The following PLSCR1 variants were observed in gnomAD, a reference collection of about 807,000 sequenced individuals.
PLSCR1 encodes the protein PL scramblase 1.
A neutral mutation model predicts 37.8 loss-of-function variants in PLSCR1; 17 were observed. That is an observed-to-expected ratio of 0.45 (90% CI 0.31 to 0.68). The LOEUF is 0.68. Among genes scored for constraint, PLSCR1 ranks in the 30% least tolerant of loss-of-function variants. The probability of loss-of-function intolerance (pLI) is 0.06; values close to 1 mark genes in which losing one functional copy is unlikely to be tolerated. For missense variants in PLSCR1, 347 were observed against 380.9 expected, an observed-to-expected ratio of 0.91 and a Z score of 0.74; for synonymous variants, 116 against 125.9, an observed-to-expected ratio of 0.92 and a Z score of 0.53.
chr3:146,532,676 A>T (rs60357664), intron 3 of PLSCR1, among the ~76,000 whole-genome samples: 8,164 of 152,248 alleles, frequency 0.054, 733 homozygotes, highest in African/African-American at 0.19. Context: ...TCCAAACCAC[A>T]TTCCCTTTGG....
At chr3:146,531,120 G>A (rs1028862498) in intron 3 of PLSCR1, among the ~76,000 whole-genome samples, 5 of 152,206 alleles carry the variant, frequency 3.3e-5, no homozygotes, top group African/African-American at 1.2e-4. Context: ...GGAAGGAGCA[G>A]GAACAGCTGC....
intron 1 of PLSCR1, among the ~76,000 whole-genome samples, chr3:146,539,540 C>A (rs1316155319): frequency 6.6e-6 from 1 of 152,158 alleles, no homozygotes; most frequent in Non-Finnish European, 1.5e-5. Context: ...GAATAACAAC[C>A]ATGAATACAC....
chr3:146,529,427 A>G (rs954477913), intron 3 of PLSCR1, among the ~76,000 whole-genome samples: 1 of 152,288 alleles, frequency 6.6e-6, no homozygotes, highest in East Asian at 1.9e-4. Flanking sequence ...TAAAAGAGCC[A>G]GAACAGCTCC....
chr3:146,537,437 C>T (rs957081624), intron 1 of PLSCR1, among the ~76,000 whole-genome samples: 1 of 152,140 alleles, frequency 6.6e-6, no homozygotes, highest in African/African-American at 2.4e-5. Context: ...CCATCCCCTT[C>T]CCAGGCCCAC....
In PLSCR1 at chr3:146,531,464, G is replaced by T. The variant is rs571800595; in HGVS notation, c.94+2006C>A. On this transcript the variant is annotated intron_variant, in intron 3 of 8. Transcript: ENST00000342435. ...GGTCAGCACAGAAACCAGACCATAG[G>T]CAGACCAGTGGGGATATGGAGATGT... Among the ~76,000 whole-genome samples, 38 of 152,282 alleles carry T rather than the reference G, an allele frequency of 2.5e-4. No homozygotes were observed. In the South Asian group the frequency reaches 7.9e-3, roughly 32 times the overall value.
At chr3:146,526,557 A>T (rs1243301757) in intron 4 of PLSCR1, among the ~76,000 whole-genome samples, 1 of 152,230 alleles carries the variant, frequency 6.6e-6, no homozygotes, top group East Asian at 1.9e-4. Flanking sequence ...AAAGGAAAGG[A>T]AATCAATATG....
At chr3:146,534,532 T>C (rs538640684) in intron 2 of PLSCR1, among the ~76,000 whole-genome samples, 4 of 152,204 alleles carry the variant, frequency 2.6e-5, no homozygotes. Flanking sequence ...AATCGTGTGG[T>C]TTTATCAGGA....
chr3:146,538,474 C>T (rs1232343301), intron 1 of PLSCR1, among the ~76,000 whole-genome samples: 1 of 152,108 alleles, frequency 6.6e-6, no homozygotes, highest in East Asian at 1.9e-4. Flanking sequence ...AATTAACACA[C>T]TGGACTATAC....
chr3:146,523,677 A>G (rs1181723895), intron 5 of PLSCR1, among the ~76,000 whole-genome samples: 1 of 152,216 alleles, frequency 6.6e-6, no homozygotes, highest in African/African-American at 2.4e-5. Context: ...AACTCACAGA[A>G]TATCTAGACC....
rs1411681320 is a variant in PLSCR1, at chr3:146,536,535, CTTACT to C, written c.13_13+4del. On this transcript the variant is annotated splice_donor_variant and splice_donor_region_variant and coding_sequence_variant and intron_variant, in exon 2 of 9. Coordinates refer to ENST00000342435, the MANE Select transcript of PLSCR1 (RefSeq NM_021105.3). LOFTEE classifies it high-confidence loss of function. The stretch of plus-strand genomic sequence containing the variant: ...GAAAGTAAACATTTAAAATAAATTA[CTTACT>C]TTGTTTGTCCATGATTAAAACAGTT... 7.3e-7 allele frequency: 1 copy of C among 1,368,578 alleles called. No homozygotes were observed. The allele number at this position is 1,368,578 out of a possible 1,614,324, so 84.8% of individuals were successfully genotyped here. A position where few individuals can be genotyped will look rare whatever the true frequency, so the allele number is the denominator to read the frequency against.
chr3:146,524,753 A>G (rs113709284), intron 5 of PLSCR1, among the ~76,000 whole-genome samples: 8,449 of 152,268 alleles, frequency 0.055, 331 homozygotes, highest in African/African-American at 0.11. Flanking sequence ...AATAACTTCA[A>G]TGTAATAGAT....
intron 7 of PLSCR1, among the ~76,000 whole-genome samples, chr3:146,518,296 G>T (rs1315025396): frequency 2.6e-5 from 4 of 152,172 alleles, no homozygotes; most frequent in Non-Finnish European, 5.9e-5. Context: ...GGTAGCTGCT[G>T]CTGCTACAGC....
intron 4 of PLSCR1, 63 bp from the exon 5 acceptor site, chr3:146,525,710 A>T (rs1209974410): frequency 4.2e-6 from 3 of 720,862 alleles, no homozygotes; most frequent in Non-Finnish European, 2.4e-6. Flanking sequence ...TAAGCTAACC[A>T]AATTAAAATT....
chr3:146,526,774 A>G (rs1306702299), intron 4 of PLSCR1, among the ~76,000 whole-genome samples: 1 of 152,026 alleles, frequency 6.6e-6, no homozygotes, highest in Non-Finnish European at 1.5e-5. Flanking sequence ...AAGTGAAATA[A>G]GCCAGGCACA....
At chr3:146,523,031 G>A (rs375177918) in intron 5 of PLSCR1, among the ~76,000 whole-genome samples, 6 of 152,264 alleles carry the variant, frequency 3.9e-5, no homozygotes, top group South Asian at 2.1e-4. Context: ...CCCCCTCTCC[G>A]GGAAACGCCC....
intron 4 of PLSCR1, chr3:146,528,373 T>TA: frequency 1.9e-6 from 1 of 523,966 alleles, no homozygotes; most frequent in Non-Finnish European, 3.4e-6. Context: ...CAGTGCTAAT[T>TA]AAATGTTTGC....
chr3:146,523,172 G>GTC (rs1218182346), intron 5 of PLSCR1, among the ~76,000 whole-genome samples: 1 of 152,166 alleles, frequency 6.6e-6, no homozygotes, highest in African/African-American at 2.4e-5. Context: ...TCTTTTCCAA[G>GTC]TCTCTCGTTC....
rs1053358845 is a variant in PLSCR1 at position 146,533,552 on chromosome 3, T to A, written c.14-2A>T. ...GGTGAGAAGCATTCATCTGTGAGTCTGCAATTCAAGGAGAGGTAAATAGAT... is the reference window on the plus strand; with the variant it reads ...GGTGAGAAGCATTCATCTGTGAGTCAGCAATTCAAGGAGAGGTAAATAGAT... On this transcript the variant is annotated splice_acceptor_variant, in intron 2 of 8. Coordinates refer to ENST00000342435, the MANE Select transcript of PLSCR1 (RefSeq NM_021105.3). LOFTEE classifies it high-confidence loss of function. 2.5e-6 allele frequency: 4 copies of A among 1,589,966 alleles called. No homozygotes were observed. The African/African-American group carries it at 5.4e-5, about 21-fold the overall frequency.
chr3:146,540,022 C>G (rs950109402), intron 1 of PLSCR1, among the ~76,000 whole-genome samples: 1 of 152,186 alleles, frequency 6.6e-6, no homozygotes, highest in African/African-American at 2.4e-5. Flanking sequence ...TGGGGAATAA[C>G]TGGGTGTGCC....
Sources: gnomAD v4.1 joint callset for allele counts (sites outside exome capture counted in the v4.1 genomes callset) on GRCh38, gnomAD v4.1.1 for gene constraint, MANE v1.5 for transcripts, NCBI Gene and HGNC (gene_info 2026-07-23, HGNC 2026-07-21) for gene names.